KAZN: variants seen among roughly 807,000 people sequenced by gnomAD.
The protein encoded by KAZN is kazrin, periplakin interacting protein.
KAZN carries 40 observed loss-of-function variants against 87.4 expected under a neutral mutation model. The observed-to-expected ratio is 0.46, with a 90% confidence interval of 0.36 to 0.60. The LOEUF (loss-of-function observed/expected upper bound fraction) is 0.60, where lower values mean the gene tolerates loss of function less well. KAZN is among the 20% of genes least tolerant of loss of function. The pLI, the probability that KAZN is intolerant of heterozygous loss-of-function variation, is 0.00. For synonymous variants in KAZN, 466 were observed against 458.3 expected, an observed-to-expected ratio of 1.02 and a Z score of -0.22; for missense variants, 898 against 1,073.9, an observed-to-expected ratio of 0.84 and a Z score of 2.29.
intron 4 of KAZN, among the ~76,000 whole-genome samples, chr1:15,045,946 C>T (rs1188036346): frequency 6.6e-6 from 1 of 152,190 alleles, no homozygotes; most frequent in Non-Finnish European, 1.5e-5. Flanking sequence ...GCTGGGGACC[C>T]AGAGCCAACC....
At chr1:15,103,868 A>G (rs1475875077) in intron 12 of KAZN, among the ~76,000 whole-genome samples, 155 bp from the exon 13 acceptor site, 2 of 152,108 alleles carry the variant, frequency 1.3e-5, no homozygotes, top group Admixed American at 1.3e-4. Flanking sequence ...TGGCTCTAAA[A>G]AATTGGGGAG....
chr1:15,044,439 ACACCC>A (rs924201959), intron 4 of KAZN, among the ~76,000 whole-genome samples: 2 of 152,066 alleles, frequency 1.3e-5, no homozygotes, highest in African/African-American at 2.4e-5. Flanking sequence ...ACTCCTCCAC[ACACCC>A]CAGCCTACTA....
Position 15,060,294 on chromosome 1 carries a change from C to T in KAZN, c.1039C>T (p.Leu347Phe), listed in dbSNP as rs918111534. 2.5e-6 allele frequency: 4 copies of T among 1,614,082 alleles called. No individual in the cohort carries two copies. Among genetic ancestry groups the T allele is most frequent in the Admixed American group, 3.3e-5 (2 of 60,014 alleles). ...INSPRHRTHS[L>F]CNGDSPGPVQ... Reference sequence around the variant, plus strand: ...CTCCCCTCGACACCGGACACACTCCCTCTGCAACGTAAGGCCAGCAGCAGC... The same window carrying T: ...CTCCCCTCGACACCGGACACACTCCTTCTGCAACGTAAGGCCAGCAGCAGC... The change falls in exon 6 of 15, where the codon CTC becomes TTC. Residue 347 changes from leucine (L) to phenylalanine (F), a missense_variant. Transcript: ENST00000376030.
intron 1 of KAZN, among the ~76,000 whole-genome samples, chr1:14,157,606 G>T (rs983509155): frequency 6.6e-6 from 1 of 152,130 alleles, no homozygotes; most frequent in Admixed American, 6.6e-5. Flanking sequence ...AGGTATTGGG[G>T]CCCCATTGTA....
intron 10 of KAZN, among the ~76,000 whole-genome samples, chr1:15,098,747 T>G (rs1223415493): frequency 6.6e-6 from 1 of 152,174 alleles, no homozygotes; most frequent in African/African-American, 2.4e-5. Context: ...GGCCAGAAGT[T>G]TCCAGTTCAG....
intron 1 of KAZN, among the ~76,000 whole-genome samples, chr1:14,815,534 A>G (rs1646537424): frequency 6.6e-6 from 1 of 152,216 alleles, no homozygotes; most frequent in Non-Finnish European, 1.5e-5. Context: ...TTCAGTGTTG[A>G]TTATGACAGA....
intron 2 of KAZN, among the ~76,000 whole-genome samples, chr1:15,004,000 G>C (rs528769187): frequency 6.6e-6 from 1 of 152,134 alleles, no homozygotes; most frequent in African/African-American, 2.4e-5. Flanking sequence ...CCTTCTCCAG[G>C]CTTTAAAGGA....
chr1:14,194,688 T>C (rs1019120086), intron 2 of KAZN, among the ~76,000 whole-genome samples: 1 of 152,180 alleles, frequency 6.6e-6, no homozygotes, highest in Non-Finnish European at 1.5e-5. Context: ...GCCCTTTCTT[T>C]TTAGTTTTGT....
chr1:14,403,495 C>T (rs1011445035), intron 2 of KAZN, among the ~76,000 whole-genome samples: 6 of 151,986 alleles, frequency 3.9e-5, no homozygotes, highest in African/African-American at 1.2e-4. Context: ...ACCACAGACT[C>T]GAAGTAGGTA....
chr1:14,204,754 A>G (rs1404494727), intron 2 of KAZN, among the ~76,000 whole-genome samples: 1 of 152,376 alleles, frequency 6.6e-6, no homozygotes, highest in East Asian at 1.9e-4. Flanking sequence ...CCAGGCATGT[A>G]GAGTCGCAAA....
intron 1 of KAZN, among the ~76,000 whole-genome samples, chr1:14,750,230 G>A (rs1644376511): frequency 6.8e-6 from 1 of 146,810 alleles, no homozygotes; most frequent in South Asian, 2.2e-4. Context: ...CCTTGAAAAT[G>A]CATCAGACAA....
intron 2 of KAZN, among the ~76,000 whole-genome samples, chr1:14,337,893 CAAAA>C (rs34909839): frequency 6.0e-5 from 6 of 100,572 alleles, no homozygotes; most frequent in Non-Finnish European, 4.3e-5. Context: ...GACTCTGTCT[CAAAA>C]AAAAAAAAAA....
At position 13,981,089 on chromosome 1, in the gene KAZN, T is replaced by TCTCTCTCTCTCTC. The variant is rs1553181094; in HGVS notation, c.91+87333_91+87334insCTCTCTCTCTCTC. Among the ~76,000 whole-genome samples, 250 of 63,138 alleles carry TCTCTCTCTCTCTC rather than the reference T, an allele frequency of 4.0e-3. 14 individuals carry two copies. Among genetic ancestry groups the TCTCTCTCTCTCTC allele is most frequent in the African/African-American group, 0.014 (245 of 17,234 alleles). The allele number at this position is 63,138 out of a possible 152,430, so 41.4% of individuals were successfully genotyped here. ...TTGGAGAGGTATAAAAAATTACTCT[T>TCTCTCTCTCTCTC]TATATATATATATATATATATGTAT... On this transcript the variant is annotated intron_variant, in intron 1 of 16. Coordinates refer to the KAZN transcript ENST00000636203.
At chr1:13,966,745 A>G (rs758056236) in intron 1 of KAZN, among the ~76,000 whole-genome samples, 10 of 152,234 alleles carry the variant, frequency 6.6e-5, no homozygotes, top group Non-Finnish European at 8.8e-5. Context: ...AGAATGAAAC[A>G]CAGTATAATA....
intron 2 of KAZN, among the ~76,000 whole-genome samples, chr1:14,386,885 C>G (rs900091288): frequency 1.4e-4 from 21 of 152,186 alleles, no homozygotes; most frequent in Non-Finnish European, 2.8e-4. Flanking sequence ...GGGAAGTTCC[C>G]CTGGATAATA....
chr1:14,575,246 G>A (rs1675108200), intron 2 of KAZN, among the ~76,000 whole-genome samples: 1 of 152,070 alleles, frequency 6.6e-6, no homozygotes, highest in African/African-American at 2.4e-5. Flanking sequence ...TTCTCATGCT[G>A]CTGAGAAAGA....
chr1:14,608,622 G>A (rs551076423), intron 1 of KAZN, among the ~76,000 whole-genome samples: 9 of 152,330 alleles, frequency 5.9e-5, no homozygotes, highest in East Asian at 3.9e-4. Context: ...GAGAAAGAGC[G>A]CGTCTTAAGG....
In KAZN at chr1:14,067,136, C is replaced by G. The variant is rs896540886; in HGVS notation, c.92-113299C>G. On this transcript the variant is annotated intron_variant, in intron 1 of 16. Coordinates refer to the KAZN transcript ENST00000636203. ...TTTCCCTGACTCCTCTCTCCTCCTC[C>G]CCGCCCCAAATAATGTAAGATCTAT... Among the ~76,000 whole-genome samples the G allele has an allele frequency of 5.3e-5, 8 of 152,210 alleles. No individual in the cohort carries two copies. In the South Asian group the frequency reaches 1.7e-3, roughly 32 times the overall value.
At chr1:14,764,664 T>C (rs1476156564) in intron 1 of KAZN, among the ~76,000 whole-genome samples, 1 of 151,848 alleles carries the variant, frequency 6.6e-6, no homozygotes, top group African/African-American at 2.4e-5. Flanking sequence ...AGGGAGGGAA[T>C]TGAAGGAGTG....
Sources: gnomAD v4.1 joint callset for allele counts (sites outside exome capture counted in the v4.1 genomes callset) on GRCh38, gnomAD v4.1.1 for gene constraint, MANE v1.5 for transcripts, NCBI Gene and HGNC (gene_info 2026-07-23, HGNC 2026-07-21) for gene names.